Variants in KSR2 observed in about 807,000 individuals in gnomAD.
The protein encoded by KSR2 is kinase suppressor of ras 2.
KSR2 carries 25 observed loss-of-function variants against 107.8 expected under a neutral mutation model. The observed-to-expected ratio is 0.23, with a 90% CI of 0.17 to 0.32. KSR2 has a LOEUF of 0.32. Among genes scored for constraint, KSR2 ranks in the 10% least tolerant of loss-of-function variants. KSR2 has a pLI of 1.00. For missense variants in KSR2, 887 were observed against 1,268.9 expected (o/e 0.70, Z 4.57); for synonymous variants, 480 against 507.0 (o/e 0.95, Z 0.71).
intron 4 of KSR2, among the ~76,000 whole-genome samples, chr12:117,699,210 A>G (rs566584138): frequency 1.6e-4 from 25 of 152,316 alleles, no homozygotes; most frequent in African/African-American, 5.5e-4. Flanking sequence ...AGTGCATAGC[A>G]TGTGCTCAGC....
intron 1 of KSR2, among the ~76,000 whole-genome samples, chr12:117,942,042 C>A: frequency 6.6e-6 from 1 of 152,090 alleles, no homozygotes; most frequent in Admixed American, 6.6e-5. Context: ...GCATTCATGC[C>A]ACTTCTAGGT....
chr12:117,715,703 G>A (rs968261132), intron 4 of KSR2, among the ~76,000 whole-genome samples: 14 of 152,208 alleles, frequency 9.2e-5, no homozygotes, highest in Admixed American at 6.5e-4. Context: ...ACTGTCATAC[G>A]AAAATAGCCA....
At chr12:117,562,915 A>C (rs1021316847) in intron 7 of KSR2, among the ~76,000 whole-genome samples, 1 of 152,240 alleles carries the variant, frequency 6.6e-6, no homozygotes, top group Non-Finnish European at 1.5e-5. Context: ...ACTTAGGTTC[A>C]GATGTCAAGA....
At chr12:117,595,516 C>T (rs1880589439) in intron 5 of KSR2, among the ~76,000 whole-genome samples, 1 of 151,962 alleles carries the variant, frequency 6.6e-6, no homozygotes, top group South Asian at 2.1e-4. Flanking sequence ...AGGCGCCCGC[C>T]ACCGCGCCCG....
chr12:117,567,903 T>C (rs1178405054), intron 7 of KSR2, among the ~76,000 whole-genome samples: 1 of 151,504 alleles, frequency 6.6e-6, no homozygotes, highest in East Asian at 1.9e-4. Context: ...TGTGGTCTCT[T>C]GTTTGAGCCA....
At chr12:117,826,052 T>A (rs886183745) in intron 3 of KSR2, among the ~76,000 whole-genome samples, 1 of 151,456 alleles carries the variant, frequency 6.6e-6, no homozygotes, top group Non-Finnish European at 1.5e-5. Flanking sequence ...GATGAATGGA[T>A]GGATAAATGC....
At position 117,583,457 on chromosome 12, in the gene KSR2, ATGGATGGG is replaced by A. The variant is rs1179159822; in HGVS notation, c.1172-1106_1172-1099del. Among the ~76,000 whole-genome samples, 157 of 117,996 alleles carry A rather than the reference ATGGATGGG, an allele frequency of 1.3e-3. 1 individual carries two copies. Among genetic ancestry groups the A allele is most frequent in the African/African-American group, 4.5e-3 (137 of 30,606 alleles). The allele number at this position is 117,996 out of a possible 152,430, so 77.4% of individuals were successfully genotyped here. ...GATGGATGGATGGATGGATGGATGG[ATGGATGGG>A]TGAATGGAAAGATGGGTAGGTGAGT... On this transcript the variant is annotated intron_variant, in intron 5 of 19. Transcript: ENST00000339824.
Position 117,803,846 on chromosome 12 carries a change from G to A in KSR2, c.473-42322C>T, listed in dbSNP as rs151252802. On this transcript the variant is annotated intron_variant, in intron 3 of 19. Transcript: ENST00000339824. ...ATCATTGTCCCCATTTTACAGAGCAGTACACTGGGGCTCAGAGAGGTTAAG... is the reference window on the plus strand; with the variant it reads ...ATCATTGTCCCCATTTTACAGAGCAATACACTGGGGCTCAGAGAGGTTAAG... Among the ~76,000 whole-genome samples the A allele has an allele frequency of 4.8e-3, 724 of 152,282 alleles. 4 individuals are homozygous for A. Among genetic ancestry groups the A allele is most frequent in the African/African-American group, 0.017 (694 of 41,552 alleles).
At chr12:117,631,919 C>CA (rs1030837483) in intron 5 of KSR2, among the ~76,000 whole-genome samples, 7 of 152,190 alleles carry the variant, frequency 4.6e-5, no homozygotes, top group African/African-American at 1.7e-4. Flanking sequence ...GGTATACCCA[C>CA]AAAAATAAAC....
chr12:117,818,622 GT>G (rs1891457568), intron 3 of KSR2, among the ~76,000 whole-genome samples: 1 of 152,182 alleles, frequency 6.6e-6, no homozygotes, highest in African/African-American at 2.4e-5. Context: ...TGTGATAAAT[GT>G]TCATGGGTGG....
intron 1 of KSR2, among the ~76,000 whole-genome samples, chr12:117,893,742 G>A (rs2137366605): frequency 6.6e-6 from 1 of 152,308 alleles, no homozygotes; most frequent in South Asian, 2.1e-4. Flanking sequence ...ATCTGGGAGA[G>A]AGGTAAAATC....
rs1469580555 is a variant in KSR2 at position 117,455,070 on chromosome 12, G to GAGAGAGAGAC, written c.*12128_*12129insGTCTCTCTCT. 3.3e-5 allele frequency: 5 copies of GAGAGAGAGAC among 149,328 alleles called. No homozygotes were observed. Among genetic ancestry groups the GAGAGAGAGAC allele is most frequent in the African/African-American group, 1.2e-4 (5 of 40,384 alleles). 9.3% of individuals were successfully genotyped at this position (149,328 alleles called of 1,614,324 possible). A position where few individuals can be genotyped will look rare whatever the true frequency, so the allele number is the denominator to read the frequency against. Reference sequence around the variant, plus strand: ...AGAGAGAGAGAGAGAGAGAGAGAGAGAGGTCTGTAGAGCCAGAGAGGGATG... The same window carrying GAGAGAGAGAC: ...AGAGAGAGAGAGAGAGAGAGAGAGAGAGAGAGAGACAGGTCTGTAGAGCCAGAGAGGGATG... On this transcript the variant is annotated 3_prime_UTR_variant, in exon 20 of 20. Coordinates refer to ENST00000339824, the MANE Select transcript of KSR2 (RefSeq NM_173598.6).
intron 4 of KSR2, among the ~76,000 whole-genome samples, chr12:117,681,648 T>C (rs561841457): frequency 6.6e-6 from 1 of 152,316 alleles, no homozygotes; most frequent in Admixed American, 6.5e-5. Flanking sequence ...GATAACAGAA[T>C]TGGATTCTGC....
chr12:117,481,840 G>T (rs958948603), intron 16 of KSR2, among the ~76,000 whole-genome samples: 1 of 152,128 alleles, frequency 6.6e-6, no homozygotes, highest in Non-Finnish European at 1.5e-5. Context: ...TATTCAAGGG[G>T]TGTCTCCTGG....
At chr12:117,827,717 T>G (rs181165030) in intron 3 of KSR2, among the ~76,000 whole-genome samples, 1 of 152,342 alleles carries the variant, frequency 6.6e-6, no homozygotes, top group Admixed American at 6.5e-5. Context: ...GGCACTTTGA[T>G]AGGTCAGTGT....
At chr12:117,589,167 A>G (rs1378600874) in intron 5 of KSR2, among the ~76,000 whole-genome samples, 3 of 152,200 alleles carry the variant, frequency 2.0e-5, no homozygotes, top group African/African-American at 4.8e-5. Flanking sequence ...CTTAAAAGCC[A>G]TGCCAGTCTA....
At chr12:117,545,427 T>G (rs1399030303) in intron 9 of KSR2, among the ~76,000 whole-genome samples, 2 of 152,172 alleles carry the variant, frequency 1.3e-5, no homozygotes, top group Non-Finnish European at 2.9e-5. Context: ...GGAGATTTCT[T>G]TTTTTGGAGT....
At chr12:117,699,933 C>T (rs1336398466) in intron 4 of KSR2, among the ~76,000 whole-genome samples, 3 of 152,004 alleles carry the variant, frequency 2.0e-5, no homozygotes, top group East Asian at 1.9e-4. Flanking sequence ...AGTGCAGTGG[C>T]GCGACCTTGG....
intron 3 of KSR2, among the ~76,000 whole-genome samples, chr12:117,831,266 C>G (rs1270539907): frequency 1.3e-5 from 2 of 152,232 alleles, no homozygotes; most frequent in Admixed American, 6.5e-5. Context: ...TGCTATCTCT[C>G]CAACAGCTTT....
Sources: allele counts gnomAD v4.1 joint callset (sites outside exome capture counted in the v4.1 genomes callset), GRCh38; gene constraint gnomAD v4.1.1; transcripts MANE v1.5; gene names NCBI Gene and HGNC (gene_info 2026-07-23, HGNC 2026-07-21).